Variants in IQCM observed in about 807,000 individuals in gnomAD.
IQCM encodes IQ motif containing M.
A neutral mutation model predicts 57.6 loss-of-function variants in IQCM; 45 were observed. That is an observed-to-expected ratio of 0.78 (90% CI 0.62 to 1.00). IQCM has a LOEUF of 1.00. Ranked by LOEUF, IQCM falls within the 50% of genes least tolerant of loss-of-function variation. IQCM has a pLI of 0.00. For missense variants in IQCM, 468 were observed against 511.6 expected (o/e 0.91, Z 0.82); for synonymous variants, 148 against 158.9 (o/e 0.93, Z 0.51).
At chr4:149,499,438 G>A (rs1743012249) in intron 12 of IQCM, among the ~76,000 whole-genome samples, 1 of 152,076 alleles carries the variant, frequency 6.6e-6, no homozygotes, top group South Asian at 2.1e-4. Context: ...AAAGGAGAAT[G>A]TAAACATAGT....
chr4:149,728,828 C>A (rs1208567107), intron 5 of IQCM, among the ~76,000 whole-genome samples: 1 of 152,134 alleles, frequency 6.6e-6, no homozygotes, highest in Non-Finnish European at 1.5e-5. Flanking sequence ...TTCCTCTCCC[C>A]AAAGATGACA....
chr4:149,359,050 C>T (rs1421327138), intron 13 of IQCM, among the ~76,000 whole-genome samples: 1 of 151,924 alleles, frequency 6.6e-6, no homozygotes, highest in Non-Finnish European at 1.5e-5. Context: ...TCCCTGTTTC[C>T]ATAAGCTGGG....
At chr4:149,695,408 G>A (rs1387917091) in intron 5 of IQCM, among the ~76,000 whole-genome samples, 2 of 152,038 alleles carry the variant, frequency 1.3e-5, no homozygotes, top group African/African-American at 2.4e-5. Context: ...AATTTAAAAC[G>A]AGGAATGAAA....
intron 5 of IQCM, among the ~76,000 whole-genome samples, chr4:149,694,193 G>A (rs1264921668): frequency 7.1e-6 from 1 of 140,054 alleles, no homozygotes; most frequent in Non-Finnish European, 1.6e-5. Flanking sequence ...TCACTTTTAC[G>A]TTTGCCAGTG....
intron 2 of IQCM, among the ~76,000 whole-genome samples, chr4:149,812,894 ATT>A (rs752699778): frequency 6.6e-6 from 1 of 152,148 alleles, no homozygotes; most frequent in Non-Finnish European, 1.5e-5. Flanking sequence ...AGCCTCTAGC[ATT>A]TTACTTTGTT....
chr4:149,595,647 G>GA (rs1410525519), intron 8 of IQCM, among the ~76,000 whole-genome samples: 2 of 152,192 alleles, frequency 1.3e-5, no homozygotes, highest in South Asian at 2.1e-4. Flanking sequence ...GATTTAAACA[G>GA]AAAAAATGTC....
chr4:149,704,725 GC>G (rs1195822002), intron 5 of IQCM, among the ~76,000 whole-genome samples: 1 of 151,860 alleles, frequency 6.6e-6, no homozygotes, highest in East Asian at 1.9e-4. Flanking sequence ...GCTAAGGGAT[GC>G]CCAGATAGCT....
chr4:149,407,096 A>G (rs1733032744), intron 13 of IQCM, among the ~76,000 whole-genome samples: 1 of 152,118 alleles, frequency 6.6e-6, no homozygotes, highest in Non-Finnish European at 1.5e-5. Context: ...TAAAGCCATC[A>G]GACTTCGTGA....
chr4:149,608,612 C>A (rs1755001744), intron 8 of IQCM, among the ~76,000 whole-genome samples: 1 of 151,724 alleles, frequency 6.6e-6, no homozygotes, highest in Non-Finnish European at 1.5e-5. Flanking sequence ...ACAAGAAGAA[C>A]TTTGAAAATG....
intron 13 of IQCM, among the ~76,000 whole-genome samples, chr4:149,363,739 T>C (rs1029278333): frequency 6.6e-6 from 1 of 152,194 alleles, no homozygotes; most frequent in Non-Finnish European, 1.5e-5. Context: ...TTTTAAATAA[T>C]CAGGTCCTGT....
At chr4:149,560,910 C>A in intron 10 of IQCM, among the ~76,000 whole-genome samples, 1 of 152,136 alleles carries the variant, frequency 6.6e-6, no homozygotes, top group African/African-American at 2.4e-5. Context: ...TTGCTGTGCA[C>A]CCTCTAGAGC....
rs995857135 is a variant in IQCM at position 149,442,517 on chromosome 4, T to C, written c.1229-8960A>G. Among the ~76,000 whole-genome samples, 3 of 152,110 alleles carry C rather than the reference T, an allele frequency of 2.0e-5. 1 individual carries two copies. The highest frequency in any genetic ancestry group is 7.2e-5 in the African/African-American group (3 of 41,436). On this transcript the variant is annotated intron_variant, in intron 12 of 13. Coordinates refer to ENST00000636793, the MANE Select transcript of IQCM (RefSeq NM_001363507.2). Reference sequence around the variant, plus strand: ...CAAGGCCGTATCTGGAAAATTCTCCTCCTATGTAACTGCAGGACATTATTC... The same window carrying C: ...CAAGGCCGTATCTGGAAAATTCTCCCCCTATGTAACTGCAGGACATTATTC...
intron 7 of IQCM, among the ~76,000 whole-genome samples, chr4:149,662,405 T>C (rs557466733): frequency 7.2e-5 from 11 of 152,170 alleles, no homozygotes; most frequent in African/African-American, 2.2e-4. Context: ...TTGGATGGCA[T>C]GTTCCATAAA....
intron 13 of IQCM, among the ~76,000 whole-genome samples, chr4:149,424,278 T>A (rs969722639): frequency 1.3e-5 from 2 of 151,840 alleles, no homozygotes; most frequent in Non-Finnish European, 2.9e-5. Context: ...AAAGGCTATA[T>A]TTTACTTTGA....
chr4:149,736,237 A>G (rs1272956280), intron 3 of IQCM, among the ~76,000 whole-genome samples: 1 of 151,962 alleles, frequency 6.6e-6, no homozygotes, highest in Non-Finnish European at 1.5e-5. Flanking sequence ...TGTGACCGAA[A>G]GCACCCAGCC....
At chr4:149,447,336 G>T (rs186721056) in intron 12 of IQCM, among the ~76,000 whole-genome samples, 167 of 151,644 alleles carry the variant, frequency 1.1e-3, no homozygotes, top group African/African-American at 3.9e-3. Context: ...ATACTGAGGA[G>T]AAAAATCAAT....
chr4:149,622,643 A>G (rs901588739), intron 7 of IQCM, among the ~76,000 whole-genome samples: 1 of 152,332 alleles, frequency 6.6e-6, no homozygotes, highest in Admixed American at 6.5e-5. Flanking sequence ...GTACCTAAGA[A>G]GAAGATAGCA....
chr4:149,748,339 T>C (rs1200242181), intron 2 of IQCM, among the ~76,000 whole-genome samples: 1 of 152,160 alleles, frequency 6.6e-6, no homozygotes, highest in Non-Finnish European at 1.5e-5. Flanking sequence ...CATGGACACT[T>C]ACATTAATTA....
At chr4:149,433,858 A>G (rs1368641447) in intron 12 of IQCM, among the ~76,000 whole-genome samples, 1 of 152,092 alleles carries the variant, frequency 6.6e-6, no homozygotes. Context: ...TAGATTCTAT[A>G]ACATATCCAT....
Sources: allele counts gnomAD v4.1 joint callset (sites outside exome capture counted in the v4.1 genomes callset), GRCh38; gene constraint gnomAD v4.1.1; transcripts MANE v1.5; gene names NCBI Gene and HGNC (gene_info 2026-07-23, HGNC 2026-07-21).